Variants in ELP4 observed in about 807,000 individuals in gnomAD.
ELP4 encodes elongator acetyltransferase complex subunit 4.
A neutral mutation model predicts 48.9 loss-of-function variants in ELP4; 51 were observed. The observed-to-expected ratio is 1.04, with a 90% CI of 0.83 to 1.32. The LOEUF (loss-of-function observed/expected upper bound fraction) is 1.32, where lower values mean the gene tolerates loss of function less well. Ranked by LOEUF, ELP4 falls within the 40% of genes most tolerant of loss-of-function variation. The pLI is 0.00. For synonymous variants in ELP4, 210 were observed against 189.2 expected, an observed-to-expected ratio of 1.11 and a Z score of -0.90; for missense variants, 519 against 514.6, an observed-to-expected ratio of 1.01 and a Z score of -0.08.
chr11:31,771,658 C>T (rs1008293230), intron 9 of ELP4, among the ~76,000 whole-genome samples: 1 of 152,200 alleles, frequency 6.6e-6, no homozygotes, highest in African/African-American at 2.4e-5. Flanking sequence ...ACTTCTTTCT[C>T]TGGGTCTTAT....
rs901918334 is a variant in ELP4, at chr11:31,652,454, C to A, written c.1143+2233C>A. On this transcript the variant is annotated intron_variant, in intron 9 of 9. Transcript: ENST00000640961. ...ATGCATATCCAAACAGATAGCAAGTCTTTGTAATATATTAAAGAAACTAGA... is the reference window on the plus strand; with the variant it reads ...ATGCATATCCAAACAGATAGCAAGTATTTGTAATATATTAAAGAAACTAGA... 5.3e-5 allele frequency: 8 copies of A among 151,638 alleles called. 1 individual carries two copies. The East Asian group carries it at 1.2e-3, about 22-fold the overall frequency. 9.4% of individuals were successfully genotyped at this position (151,638 alleles called of 1,614,324 possible). A position where few individuals can be genotyped will look rare whatever the true frequency, so the allele number is the denominator to read the frequency against.
chr11:31,668,740 A>C (rs1945739926), intron 9 of ELP4, among the ~76,000 whole-genome samples: 1 of 121,670 alleles, frequency 8.2e-6, no homozygotes, highest in Non-Finnish European at 1.9e-5. Context: ...TGTAGAGAGA[A>C]AAATAAGAAA....
chr11:31,624,091 G>A (rs994793880), intron 5 of ELP4, among the ~76,000 whole-genome samples: 1 of 151,776 alleles, frequency 6.6e-6, no homozygotes, highest in African/African-American at 2.4e-5. Flanking sequence ...AGGAACCCTT[G>A]TATACTGTTG....
chr11:31,696,707 T>C (rs1030874085), intron 9 of ELP4, among the ~76,000 whole-genome samples: 1 of 152,106 alleles, frequency 6.6e-6, no homozygotes, highest in Non-Finnish European at 1.5e-5. Flanking sequence ...TGCAAAAACA[T>C]GCCAAATTGT....
intron 9 of ELP4, among the ~76,000 whole-genome samples, chr11:31,698,337 T>G (rs1415691016): frequency 1.3e-5 from 2 of 152,208 alleles, no homozygotes; most frequent in Non-Finnish European, 2.9e-5. Context: ...TATATCTTTT[T>G]GTACTTTAAT....
rs1284348486 is a variant in ELP4 at position 31,647,979 on chromosome 11, C to T, written c.1036+130C>T. 3.3e-5 allele frequency: 19 copies of T among 575,570 alleles called. No homozygotes were observed. In the African/African-American group the frequency reaches 3.6e-4, roughly 11 times the overall value. 35.7% of individuals were successfully genotyped at this position (575,570 alleles called of 1,614,324 possible). A position where few individuals can be genotyped will look rare whatever the true frequency, so the allele number is the denominator to read the frequency against. On this transcript the variant is annotated intron_variant, in intron 8 of 9. Coordinates refer to ENST00000640961, the MANE Select transcript of ELP4 (RefSeq NM_019040.5). The stretch of plus-strand genomic sequence containing the variant: ...TATAATACACCTGTTAAATATTTTC[C>T]ATTCCTGTCCAGTCTTCCATGGCAG...
chr11:31,766,863 C>T lies in ELP4; in HGVS notation c.1144-16530C>T, dbSNP rs1948052548. Among the ~76,000 whole-genome samples, 3 of 151,856 alleles carry T rather than the reference C, an allele frequency of 2.0e-5. No individual in the cohort carries two copies. The South Asian group carries it at 6.2e-4, about 32-fold the overall frequency. ...ACTGATTTTAGAGCAACTAATATCC[C>T]TTTAGCACATAAGCTATCTTAATGA... On this transcript the variant is annotated intron_variant, in intron 9 of 9. Coordinates refer to ENST00000640961, the MANE Select transcript of ELP4 (RefSeq NM_019040.5).
chr11:31,531,880 A>G (rs543293103), intron 2 of ELP4, among the ~76,000 whole-genome samples: 30 of 152,136 alleles, frequency 2.0e-4, no homozygotes, highest in Non-Finnish European at 3.1e-4. Flanking sequence ...AGTGAGAGGT[A>G]AGGATGAATT....
At position 31,549,373 on chromosome 11, in the gene ELP4, A is replaced by G. The variant is rs576472944; in HGVS notation, c.381+9590A>G. ...AAAGAAGACATTTATGCACCCAAAA[A>G]ACCCATGAAAAAATGCTCACCATCA... is the stretch of plus-strand genomic sequence containing the variant. On this transcript the variant is annotated intron_variant, in intron 3 of 9. Coordinates refer to ENST00000640961, the MANE Select transcript of ELP4 (RefSeq NM_019040.5). Among the ~76,000 whole-genome samples the G allele has an allele frequency of 2.0e-5, 3 of 152,362 alleles. No individual in the cohort carries two copies. The South Asian group carries it at 6.2e-4, about 32-fold the overall frequency.
chr11:31,671,348 T>C (rs968684204), intron 9 of ELP4, among the ~76,000 whole-genome samples: 4 of 152,180 alleles, frequency 2.6e-5, no homozygotes, highest in East Asian at 1.9e-4. Context: ...GCAAAAATGA[T>C]TTAACTACCC....
At chr11:31,712,316 A>G (rs914435460) in intron 9 of ELP4, among the ~76,000 whole-genome samples, 1 of 152,110 alleles carries the variant, frequency 6.6e-6, no homozygotes, top group African/African-American at 2.4e-5. Flanking sequence ...TCCTTGTTAA[A>G]TATCATTGAA....
At chr11:31,578,034 A>G (rs959679900) in intron 3 of ELP4, among the ~76,000 whole-genome samples, 1 of 152,218 alleles carries the variant, frequency 6.6e-6, no homozygotes, top group African/African-American at 2.4e-5. Context: ...GTGATTGTAT[A>G]TTTAGAAAAC....
intron 9 of ELP4, among the ~76,000 whole-genome samples, chr11:31,731,987 G>A (rs1947200035): frequency 6.6e-6 from 1 of 151,988 alleles, no homozygotes. Context: ...GAGCAATAAA[G>A]ACTCTCCTAG....
intron 9 of ELP4, chr11:31,707,351 C>A (rs1049960946): frequency 4.6e-6 from 1 of 216,290 alleles, no homozygotes; most frequent in Non-Finnish European, 9.0e-6. Context: ...CACGTGTAAT[C>A]TATTGACAAT....
intron 1 of ELP4, among the ~76,000 whole-genome samples, chr11:31,514,213 C>G (rs1200921989): frequency 6.6e-6 from 1 of 152,166 alleles, no homozygotes; most frequent in Non-Finnish European, 1.5e-5. Context: ...AATCCCAGCA[C>G]TTTGGGAAGC....
At position 31,627,178 on chromosome 11, in the gene ELP4, A is replaced by G; in HGVS notation, c.722A>G (p.Asp241Gly). The G allele has an allele frequency of 6.5e-7, 1 of 1,547,696 alleles. No individual in the cohort carries two copies. Among genetic ancestry groups the G allele is most frequent in the South Asian group, 1.1e-5 (1 of 88,762 alleles). Residue 241 changes from aspartate (D) to glycine (G), a missense_variant, in exon 6 of 10, where the codon GAT (aspartate) becomes GGT (glycine). Physicochemically the swap from Asp to Gly is moderately conservative, Grantham distance 94 (BLOSUM62 -1). Coordinates refer to ENST00000640961, the MANE Select transcript of ELP4 (RefSeq NM_019040.5). ...AACATCATTTATGAGGAAGGATTTG[A>G]TGGATCCAATCCTCAGGTATTAAAT... ...IQNIIYEEGF[D>G]GSNPQKKQRN...
At chr11:31,712,121 C>G (rs1946753720) in intron 9 of ELP4, among the ~76,000 whole-genome samples, 2 of 151,804 alleles carry the variant, frequency 1.3e-5, no homozygotes, top group South Asian at 4.2e-4. Flanking sequence ...TATGAACAAC[C>G]TAGAATATAA....
chr11:31,581,700 C>CA (rs1176073584), intron 3 of ELP4, among the ~76,000 whole-genome samples: 1 of 151,552 alleles, frequency 6.6e-6, no homozygotes, highest in African/African-American at 2.4e-5. Flanking sequence ...TTCAGGGTGT[C>CA]AACCTCCTAA....
At chr11:31,575,397 C>A (rs960826332) in intron 3 of ELP4, among the ~76,000 whole-genome samples, 7 of 151,502 alleles carry the variant, frequency 4.6e-5, no homozygotes, top group African/African-American at 1.2e-4. Context: ...CTTCCCCAAT[C>A]TAGCAAGGCA....
Sources: gnomAD v4.1 joint callset for allele counts (sites outside exome capture counted in the v4.1 genomes callset) on GRCh38, gnomAD v4.1.1 for gene constraint, MANE v1.5 for transcripts, NCBI Gene and HGNC (gene_info 2026-07-23, HGNC 2026-07-21) for gene names.